The following MED13 variants were observed in gnomAD, a reference collection of about 807,000 sequenced individuals.
MED13 encodes mediator complex subunit 13.
In MED13, 23 loss-of-function variants were observed where a neutral mutation model predicts 225.2. The ratio of observed to expected loss-of-function variants is 0.10; its 90% CI spans 0.07 to 0.14. MED13 has a LOEUF of 0.14. Among genes scored for constraint, MED13 ranks in the 10% least tolerant of loss-of-function variants. The pLI is 1.00. For missense variants in MED13, 2,197 were observed against 2,594.5 expected, an observed-to-expected ratio of 0.85 and a Z score of 3.33; for synonymous variants, 942 against 889.2, an observed-to-expected ratio of 1.06 and a Z score of -1.06.
chr17:62,004,104 T>C (rs1017197059), intron 9 of MED13: 1 of 152,178 alleles, frequency 6.6e-6, no homozygotes, highest in Non-Finnish European at 1.5e-5. Context: ...TTTACACACA[T>C]TAAATAAGAA....
intron 28 of MED13, among the ~76,000 whole-genome samples, chr17:61,949,689 T>G (rs957472914): frequency 6.6e-6 from 1 of 152,050 alleles, no homozygotes; most frequent in Non-Finnish European, 1.5e-5. Flanking sequence ...TAAATCTTTT[T>G]TTTGTTTGTT....
chr17:62,052,040 A>G (rs944500387), intron 3 of MED13, among the ~76,000 whole-genome samples: 3 of 152,204 alleles, frequency 2.0e-5, no homozygotes, highest in Non-Finnish European at 4.4e-5. Context: ...AGAAAATTAT[A>G]AGCTCTCAAA....
chr17:61,998,925 C>CT lies in MED13; in HGVS notation c.1968-3561dup, dbSNP rs10617153. On this transcript the variant is annotated intron_variant, in intron 9 of 29. Transcript: ENST00000397786. ...AAAATCTCCCACTTTTTAAATGGTA[C>CT]TTTTTTTTTTTTTTTTTTTTTTTTA... Among the ~76,000 whole-genome samples, 39 of 103,832 alleles carry CT rather than the reference C, an allele frequency of 3.8e-4. No homozygotes were observed. In the East Asian group the frequency reaches 7.0e-3, roughly 19 times the overall value. The allele number at this position is 103,832 out of a possible 152,430, so 68.1% of individuals were successfully genotyped here.
At chr17:61,951,949 A>C (rs2079900388) in intron 27 of MED13, among the ~76,000 whole-genome samples, 1 of 152,024 alleles carries the variant, frequency 6.6e-6, no homozygotes, top group Admixed American at 6.6e-5. Flanking sequence ...TTAGGCTGGA[A>C]TGCAGTGGTG....
intron 10 of MED13, among the ~76,000 whole-genome samples, chr17:61,993,200 C>CTTTTTTT (rs964200883): frequency 1.9e-5 from 2 of 107,690 alleles, no homozygotes; most frequent in African/African-American, 4.0e-5. Context: ...TTCTTTCTTT[C>CTTTTTTT]TTTTTTTTTT....
At chr17:62,037,890 A>C (rs1210368107) in intron 3 of MED13, among the ~76,000 whole-genome samples, 2 of 134,128 alleles carry the variant, frequency 1.5e-5, no homozygotes, top group Non-Finnish European at 3.1e-5. Context: ...AGGGAGGCAG[A>C]GATTGCAGTG....
At chr17:62,048,055 T>C (rs200261280) in intron 3 of MED13, among the ~76,000 whole-genome samples, 5 of 133,710 alleles carry the variant, frequency 3.7e-5, no homozygotes, top group African/African-American at 1.4e-4. Flanking sequence ...TATATATATA[T>C]ATATATATGT....
Position 61,984,258 on chromosome 17 carries a change from G to A in MED13, c.2801C>T (p.Pro934Leu), listed in dbSNP as rs763701650. The change falls in exon 15 of 30, where the codon CCA (proline) becomes CTA (leucine). Residue 934 changes from proline to leucine, a missense_variant. Transcript: ENST00000397786. ...PSQYLPPIKL[P>L]EECIYRQSWT... ...ACTCTGACGGTAAATACACTCTTCTGGCAATTTGATAGGGGGCAGATATTG... is the reference window on the plus strand; with the variant it reads ...ACTCTGACGGTAAATACACTCTTCTAGCAATTTGATAGGGGGCAGATATTG... 1 of 1,611,816 alleles carries A rather than the reference G, an allele frequency of 6.2e-7. No homozygotes were observed. The highest frequency in any genetic ancestry group is 2.2e-5 in the East Asian group (1 of 44,732).
Position 61,984,347 on chromosome 17 carries a change from C to T in MED13, c.2712G>A (p.Lys904=). 2 of 1,570,602 alleles carry T rather than the reference C, an allele frequency of 1.3e-6. No homozygotes were observed. Among genetic ancestry groups the T allele is most frequent in the South Asian group, 2.4e-5 (2 of 83,714 alleles). The change falls in exon 15 of 30, where the codon AAG becomes AAA. Residue 904 remains lysine, a synonymous_variant. Transcript: ENST00000397786. ...SEIKDFSYVY[K]PENCQILVGC... ...CCACTAGAATTTGACAATTTTCAGG[C>T]TTATAGACATAAGAAAAATCCTACA...
At chr17:61,947,387 TTTA>T (rs2079859712) in intron 28 of MED13, among the ~76,000 whole-genome samples, 1 of 152,246 alleles carries the variant, frequency 6.6e-6, no homozygotes, top group South Asian at 2.1e-4. Flanking sequence ...TTTCTTTAGC[TTTA>T]TTGTTTTTGA....
At chr17:62,011,323 T>C in intron 8 of MED13, 90 bp from the exon 9 acceptor site, 1 of 1,114,526 alleles carries the variant, frequency 9.0e-7, no homozygotes, top group Non-Finnish European at 1.2e-6. Flanking sequence ...ACTTCGGTTA[T>C]CATTTCTTTT....
At chr17:61,985,889 G>C (rs1290188949) in intron 12 of MED13, among the ~76,000 whole-genome samples, 1 of 152,046 alleles carries the variant, frequency 6.6e-6, no homozygotes, top group Non-Finnish European at 1.5e-5. Flanking sequence ...ACTGTTAACA[G>C]GTAAAACTAA....
chr17:62,064,880 T>C (rs540884829), intron 1 of MED13, among the ~76,000 whole-genome samples: 1 of 152,136 alleles, frequency 6.6e-6, no homozygotes, highest in Non-Finnish European at 1.5e-5. Context: ...GGAGCTCAAG[T>C]TGAGGACGAG....
At chr17:61,960,746 A>G (rs780458754) in intron 23 of MED13, 121 bp downstream of exon 23, 90 of 627,232 alleles carry the variant, frequency 1.4e-4, no homozygotes, top group Non-Finnish European at 2.2e-4. Flanking sequence ...AAAAGCACCC[A>G]CAACCCCACA....
At chr17:62,062,458 TTC>T (rs202007192) in intron 2 of MED13, among the ~76,000 whole-genome samples, 2 of 150,812 alleles carry the variant, frequency 1.3e-5, no homozygotes, top group Non-Finnish European at 3.0e-5. Flanking sequence ...GTTGGCACTT[TTC>T]TCTTATTATG....
At chr17:61,967,653 A>T (rs1394466518) in intron 18 of MED13, among the ~76,000 whole-genome samples, 1 of 152,204 alleles carries the variant, frequency 6.6e-6, no homozygotes, top group Non-Finnish European at 1.5e-5. Context: ...GATTTATTTT[A>T]CATATGAGGA....
At chr17:62,058,979 A>AT (rs1156624360) in intron 2 of MED13, among the ~76,000 whole-genome samples, 2 of 152,252 alleles carry the variant, frequency 1.3e-5, no homozygotes, top group South Asian at 2.1e-4. Context: ...GCTAAGTGAC[A>AT]TAAGAGAAAA....
intron 9 of MED13, among the ~76,000 whole-genome samples, chr17:62,002,882 T>A (rs1343884695): frequency 6.6e-6 from 1 of 152,250 alleles, no homozygotes; most frequent in East Asian, 1.9e-4. Context: ...TTATTCATTA[T>A]ATTAAAGTAC....
chr17:62,057,708 T>C (rs2081006519), intron 2 of MED13, among the ~76,000 whole-genome samples: 1 of 152,240 alleles, frequency 6.6e-6, no homozygotes, highest in African/African-American at 2.4e-5. Flanking sequence ...CCACTTAGTT[T>C]GAGCACTATT....
Sources: allele counts gnomAD v4.1 joint callset (sites outside exome capture counted in the v4.1 genomes callset), GRCh38; gene constraint gnomAD v4.1.1; transcripts MANE v1.5; gene names NCBI Gene and HGNC (gene_info 2026-07-23, HGNC 2026-07-21).